NOL10: variants seen among roughly 807,000 people sequenced by gnomAD.
NOL10 encodes H_NH0074G24.1.
In NOL10, 58 loss-of-function variants were observed where a neutral mutation model predicts 103.5. That is an observed-to-expected ratio of 0.56 (90% CI 0.45 to 0.70). The LOEUF is 0.70. Among genes scored for constraint, NOL10 ranks in the 30% least tolerant of loss-of-function variants. The probability of loss-of-function intolerance (pLI) is 0.00; values close to 1 mark genes in which losing one functional copy is unlikely to be tolerated. For synonymous variants in NOL10, 287 were observed against 282.5 expected (o/e 1.02, Z -0.16); for missense variants, 763 against 807.3 (o/e 0.95, Z 0.67).
intron 11 of NOL10, among the ~76,000 whole-genome samples, chr2:10,656,441 T>C (rs902361329): frequency 6.6e-6 from 1 of 152,108 alleles, no homozygotes; most frequent in African/African-American, 2.4e-5. Context: ...CTCTGTAACA[T>C]AAACAAAGTC....
Position 10,638,483 on chromosome 2 carries a change from C to CTTTTTTTTTTTTTTTT in NOL10, c.1026+5821_1026+5836dup, listed in dbSNP as rs869294782. On this transcript the variant is annotated intron_variant, in intron 13 of 20. Coordinates refer to ENST00000381685, the MANE Select transcript of NOL10 (RefSeq NM_024894.4). ...GCACATACCCTTATAGCTGAATTCCCTTTTTTTTTTTTTTTTTTTTTTTTT... is the reference window on the plus strand; with the variant it reads ...GCACATACCCTTATAGCTGAATTCCCTTTTTTTTTTTTTTTTTTTTTTTTTTTTTTTTTTTTTTTTT... Among the ~76,000 whole-genome samples the CTTTTTTTTTTTTTTTT allele has an allele frequency of 6.4e-5, 5 of 77,782 alleles. 1 individual carries two copies. The highest frequency in any genetic ancestry group is 1.1e-4 in the African/African-American group (2 of 18,648). 51.0% of individuals were successfully genotyped at this position (77,782 alleles called of 152,430 possible).
rs201250808 is a variant in NOL10 at position 10,669,497 on chromosome 2, T to TAC, written c.465-776_465-775dup. On this transcript the variant is annotated intron_variant, in intron 6 of 20. Coordinates refer to ENST00000381685, the MANE Select transcript of NOL10 (RefSeq NM_024894.4). ...ATATATATATACACACACACACACA[T>TAC]ACACACACACATATATACACACACA... 4.9e-5 allele frequency among the ~76,000 whole-genome samples: 5 copies of TAC among 102,234 alleles called. No homozygotes were observed. In the Admixed American group the frequency reaches 5.4e-4, roughly 11 times the overall value. 67.1% of individuals were successfully genotyped at this position (102,234 alleles called of 152,430 possible).
intron 13 of NOL10, among the ~76,000 whole-genome samples, chr2:10,641,398 A>G (rs1678688642): frequency 6.6e-6 from 1 of 152,076 alleles, no homozygotes; most frequent in African/African-American, 2.4e-5. Flanking sequence ...AACATCACAA[A>G]TATAACTAAA....
intron 11 of NOL10, among the ~76,000 whole-genome samples, chr2:10,655,073 C>T (rs568293844): frequency 1.0e-3 from 155 of 151,522 alleles, no homozygotes; most frequent in African/African-American, 3.6e-3. Flanking sequence ...AGCCGGGCAT[C>T]GTGGCCTGCA....
rs544639080 is a variant in NOL10 at position 10,589,084 on chromosome 2, A to C, written c.1803T>G (p.Phe601Leu). The C allele has an allele frequency of 4.3e-6, 7 of 1,613,962 alleles. No individual in the cohort carries two copies. In the South Asian group the frequency reaches 6.6e-5, roughly 15 times the overall value. The change falls in exon 19 of 21, where the codon TTT (phenylalanine) becomes TTG (leucine). Residue 601 changes from phenylalanine (F) to leucine (L), a missense_variant. Phe to Leu is a conservative substitution (Grantham distance 22). Transcript: ENST00000381685. ...QFYEIKAGEE[F>L]RSFKDSATKQ... ...TTGTGGCAGAATCTTTGAAGCTTCT[A>C]AATTCTTCTCCTGCTTTGATCTCAT...
intron 19 of NOL10, among the ~76,000 whole-genome samples, chr2:10,586,535 G>A (rs900982265): frequency 5.9e-5 from 9 of 152,264 alleles, no homozygotes; most frequent in African/African-American, 2.2e-4. Context: ...TGAATGACAT[G>A]GGTTTGAACT....
intron 17 of NOL10, among the ~76,000 whole-genome samples, chr2:10,592,464 C>T (rs1017600861): frequency 1.3e-5 from 2 of 152,040 alleles, no homozygotes; most frequent in Admixed American, 6.5e-5. Flanking sequence ...CACTAGGTGT[C>T]TGGGAACGAT....
chr2:10,672,079 G>A (rs938263599), intron 5 of NOL10, among the ~76,000 whole-genome samples: 1 of 152,132 alleles, frequency 6.6e-6, no homozygotes, highest in African/African-American at 2.4e-5. Context: ...TGTAATCCCA[G>A]CACTTTGGGA....
Position 10,671,695 on chromosome 2 carries a change from A to G in NOL10, c.328-5T>C. On this transcript the variant is annotated splice_region_variant and splice_polypyrimidine_tract_variant and intron_variant, in intron 5 of 20. Coordinates refer to ENST00000381685, the MANE Select transcript of NOL10 (RefSeq NM_024894.4). ...ATCATTATGTAAGAAGACAATCTGA[A>G]AATAAAACAAAAAAATTAGTTTGCT... 1 of 1,543,074 alleles carries G rather than the reference A, an allele frequency of 6.5e-7. No homozygotes were observed. The highest frequency in any genetic ancestry group is 8.8e-7 in the Non-Finnish European group (1 of 1,141,204).
intron 12 of NOL10, among the ~76,000 whole-genome samples, chr2:10,648,320 C>T (rs974041885): frequency 2.0e-5 from 3 of 152,122 alleles, no homozygotes; most frequent in African/African-American, 7.2e-5. Flanking sequence ...AATGATTAAG[C>T]ACCAGACACA....
intron 13 of NOL10, chr2:10,622,124 A>G (rs1401858778): frequency 2.1e-6 from 1 of 471,422 alleles, no homozygotes; most frequent in Non-Finnish European, 4.4e-6. Flanking sequence ...TTTGGTTTAG[A>G]GAACTGGACA....
rs185004182 is a variant in NOL10 at position 10,592,347 on chromosome 2, A to G, written c.1423-2596T>C. 2.6e-5 allele frequency among the ~76,000 whole-genome samples: 4 copies of G among 152,310 alleles called. No homozygotes were observed. In the East Asian group the frequency reaches 7.7e-4, roughly 29 times the overall value. On this transcript the variant is annotated intron_variant, in intron 17 of 20. Coordinates refer to ENST00000381685, the MANE Select transcript of NOL10 (RefSeq NM_024894.4). Reference sequence around the variant, plus strand: ...GAGTTAGAATCCATCACTGGAGAGCATTAGGAAAAAACGCAGGGGTGGAGT... The same window carrying G: ...GAGTTAGAATCCATCACTGGAGAGCGTTAGGAAAAAACGCAGGGGTGGAGT...
chr2:10,677,258 G>A (rs1174134657), intron 3 of NOL10, among the ~76,000 whole-genome samples: 2 of 152,116 alleles, frequency 1.3e-5, no homozygotes, highest in East Asian at 3.9e-4. Context: ...CACTTTGTAA[G>A]GCAAAAGTTG....
intron 19 of NOL10, among the ~76,000 whole-genome samples, chr2:10,581,359 C>A (rs923718175): frequency 6.6e-6 from 1 of 151,866 alleles, no homozygotes; most frequent in Admixed American, 6.6e-5. Flanking sequence ...CACACATTTG[C>A]GACTGTGAAA....
chr2:10,608,223 A>G (rs187325553), intron 13 of NOL10, among the ~76,000 whole-genome samples: 444 of 152,326 alleles, frequency 2.9e-3, no homozygotes, highest in African/African-American at 0.01. Flanking sequence ...ATAAGTCTTC[A>G]AAACTAAATG....
chr2:10,597,255 T>G (rs968603268), intron 17 of NOL10, among the ~76,000 whole-genome samples: 1 of 152,226 alleles, frequency 6.6e-6, no homozygotes, highest in African/African-American at 2.4e-5. Flanking sequence ...AACCATACAG[T>G]AAACATCTTA....
At chr2:10,639,291 G>T (rs1246678161) in intron 13 of NOL10, among the ~76,000 whole-genome samples, 2 of 152,104 alleles carry the variant, frequency 1.3e-5, no homozygotes, top group African/African-American at 4.8e-5. Flanking sequence ...GCGTGGCAGC[G>T]TGCGCCTATA....
chr2:10,578,485 G>C (rs539310403), intron 19 of NOL10, among the ~76,000 whole-genome samples: 21 of 152,160 alleles, frequency 1.4e-4, no homozygotes, highest in Non-Finnish European at 2.5e-4. Flanking sequence ...TTCATTTCTT[G>C]ATCACATTTT....
intron 3 of NOL10, among the ~76,000 whole-genome samples, chr2:10,681,077 C>CGT (rs1332785897): frequency 5.3e-5 from 8 of 152,124 alleles, no homozygotes; most frequent in Non-Finnish European, 1.2e-4. Flanking sequence ...TAAACATACA[C>CGT]CTACCTAGGA....
Sources: allele counts gnomAD v4.1 joint callset (sites outside exome capture counted in the v4.1 genomes callset), GRCh38; gene constraint gnomAD v4.1.1; transcripts MANE v1.5; gene names NCBI Gene and HGNC (gene_info 2026-07-23, HGNC 2026-07-21).